Variants in DIAPH3 observed in about 807,000 individuals in gnomAD.
DIAPH3 encodes diaphanous related formin 3, also known as protein diaphanous homolog 3.
DIAPH3 carries 117 observed loss-of-function variants against 144.3 expected under a neutral mutation model. That is an observed-to-expected ratio of 0.81 (90% CI 0.70 to 0.95). DIAPH3 has a LOEUF of 0.95. Ranked by LOEUF, DIAPH3 falls within the 40% of genes least tolerant of loss-of-function variation. The pLI is 0.00. For synonymous variants in DIAPH3, 519 were observed against 488.9 expected, an observed-to-expected ratio of 1.06 and a Z score of -0.81; for missense variants, 1,421 against 1,412.7, an observed-to-expected ratio of 1.01 and a Z score of -0.09.
intron 7 of DIAPH3, among the ~76,000 whole-genome samples, chr13:60,012,287 T>C (rs2053322780): frequency 6.6e-6 from 1 of 152,092 alleles, no homozygotes; most frequent in African/African-American, 2.4e-5. Flanking sequence ...ATGGAGAAAG[T>C]ATGAGGAAAG....
chr13:59,769,341 C>T (rs962240048), intron 27 of DIAPH3, among the ~76,000 whole-genome samples: 1 of 152,132 alleles, frequency 6.6e-6, no homozygotes, highest in African/African-American at 2.4e-5. Flanking sequence ...GTATAGGCTC[C>T]ACTACTGTGT....
intron 14 of DIAPH3, among the ~76,000 whole-genome samples, chr13:59,975,854 A>C (rs1162972707): frequency 2.6e-5 from 4 of 151,946 alleles, no homozygotes; most frequent in African/African-American, 9.7e-5. Flanking sequence ...CAACACTACC[A>C]TTCCCCACAA....
intron 27 of DIAPH3, among the ~76,000 whole-genome samples, chr13:59,700,465 G>C (rs1566194172): frequency 6.6e-6 from 1 of 152,208 alleles, no homozygotes; most frequent in Non-Finnish European, 1.5e-5. Flanking sequence ...GTGGCAGAGA[G>C]AGAGAGCTCA....
At chr13:59,920,633 C>T (rs1176292194) in intron 18 of DIAPH3, among the ~76,000 whole-genome samples, 2 of 151,442 alleles carry the variant, frequency 1.3e-5, no homozygotes, top group Admixed American at 6.6e-5. Flanking sequence ...ACATACATTG[C>T]AATACAATAT....
chr13:59,976,616 C>T (rs2050694340), intron 14 of DIAPH3, among the ~76,000 whole-genome samples: 1 of 151,808 alleles, frequency 6.6e-6, no homozygotes, highest in Admixed American at 6.6e-5. Context: ...TCTCCTGCTA[C>T]TCCTTGAGTG....
At chr13:59,878,509 T>A (rs1331793239) in intron 21 of DIAPH3, among the ~76,000 whole-genome samples, 1 of 152,166 alleles carries the variant, frequency 6.6e-6, no homozygotes, top group Non-Finnish European at 1.5e-5. Flanking sequence ...AGAAAAAGGT[T>A]TTCTTCTGAT....
chr13:59,786,384 A>G (rs2039030166), intron 25 of DIAPH3, among the ~76,000 whole-genome samples: 1 of 152,194 alleles, frequency 6.6e-6, no homozygotes, highest in Non-Finnish European at 1.5e-5. Flanking sequence ...CTATGATTGA[A>G]TTTTAACTAT....
chr13:60,112,210 C>T lies in DIAPH3; in HGVS notation c.214-24G>A, dbSNP rs763066852. On this transcript the variant is annotated intron_variant, in intron 2 of 27. Coordinates refer to ENST00000400324, the MANE Select transcript of DIAPH3 (RefSeq NM_001042517.2). ...AGCTACAAAGAAAGACAGAATGACACACGTGTAAGTATTTCCTTTCCCAAC... is the reference window on the plus strand; with the variant it reads ...AGCTACAAAGAAAGACAGAATGACATACGTGTAAGTATTTCCTTTCCCAAC... 3 of 1,613,002 alleles carry T rather than the reference C, an allele frequency of 1.9e-6. No homozygotes were observed. The South Asian group carries it at 3.3e-5, about 18-fold the overall frequency.
rs1386545867 is a variant in DIAPH3 at position 59,733,714 on chromosome 13, C to A, written c.3319+40475G>T. ...AATCTCTTTTCATTATCAACCTCGACAGTTCAAGCACTGTTCAGTGAGGAC... is the reference window on the plus strand; with the variant it reads ...AATCTCTTTTCATTATCAACCTCGAAAGTTCAAGCACTGTTCAGTGAGGAC... On this transcript the variant is annotated intron_variant, in intron 27 of 27. Transcript: ENST00000400324. Among the ~76,000 whole-genome samples, 5 of 152,332 alleles carry A rather than the reference C, an allele frequency of 3.3e-5. No individual in the cohort carries two copies. In the East Asian group the frequency reaches 5.8e-4, roughly 18 times the overall value.
intron 9 of DIAPH3, among the ~76,000 whole-genome samples, chr13:60,008,236 A>C (rs779227332): frequency 3.3e-5 from 5 of 152,016 alleles, no homozygotes; most frequent in Non-Finnish European, 5.9e-5. Context: ...TACTAAAAAT[A>C]CAAAAAAAAA....
chr13:59,810,592 T>C (rs1357377781), intron 25 of DIAPH3, among the ~76,000 whole-genome samples, 196 bp downstream of exon 25: 1 of 152,132 alleles, frequency 6.6e-6, no homozygotes, highest in Non-Finnish European at 1.5e-5. Flanking sequence ...TGACCAACAC[T>C]GGAATGAAGA....
At chr13:59,748,167 T>G (rs2036796860) in intron 27 of DIAPH3, among the ~76,000 whole-genome samples, 1 of 152,208 alleles carries the variant, frequency 6.6e-6, no homozygotes, top group Non-Finnish European at 1.5e-5. Context: ...GTTTGAATAT[T>G]ATGTACTTGT....
At position 59,665,941 on chromosome 13, in the gene DIAPH3, T is replaced by C. The variant is rs1435975334; in HGVS notation, c.*643A>G. 6.6e-6 allele frequency: 1 copy of C among 152,294 alleles called. No homozygotes were observed. Among genetic ancestry groups the C allele is most frequent in the African/African-American group, 2.4e-5 (1 of 41,472 alleles). 9.4% of individuals were successfully genotyped at this position (152,294 alleles called of 1,614,324 possible). A position where few individuals can be genotyped will look rare whatever the true frequency, so the allele number is the denominator to read the frequency against. On this transcript the variant is annotated 3_prime_UTR_variant, in exon 28 of 28. Transcript: ENST00000400324. ...GCATTTGGCAAAGAGAGTGCATACA[T>C]TCTTATTGCATCATTTTTCGTTATG...
chr13:59,887,251 A>T (rs1277455900), intron 20 of DIAPH3, among the ~76,000 whole-genome samples: 1 of 152,058 alleles, frequency 6.6e-6, no homozygotes, highest in Non-Finnish European at 1.5e-5. Flanking sequence ...CCTGGGATCA[A>T]TTCCATGTGG....
chr13:59,828,071 C>T (rs1348208159), intron 24 of DIAPH3, among the ~76,000 whole-genome samples: 1 of 152,006 alleles, frequency 6.6e-6, no homozygotes, highest in Non-Finnish European at 1.5e-5. Context: ...GTATGAACTT[C>T]ACTTGGTATA....
chr13:60,070,513 T>C (rs1270511989), intron 4 of DIAPH3, among the ~76,000 whole-genome samples: 1 of 152,136 alleles, frequency 6.6e-6, no homozygotes, highest in Non-Finnish European at 1.5e-5. Context: ...AGAAAACTGT[T>C]CTGCAGTCTG....
At chr13:59,764,043 T>A (rs1387844077) in intron 27 of DIAPH3, among the ~76,000 whole-genome samples, 2 of 151,834 alleles carry the variant, frequency 1.3e-5, no homozygotes, top group Non-Finnish European at 2.9e-5. Flanking sequence ...AAACTTTGCT[T>A]CTGTATGCTA....
chr13:59,696,529 T>G (rs1211432095), intron 27 of DIAPH3, among the ~76,000 whole-genome samples: 1 of 152,226 alleles, frequency 6.6e-6, no homozygotes, highest in Non-Finnish European at 1.5e-5. Flanking sequence ...GTGATGTTGA[T>G]GCAATCACTT....
intron 20 of DIAPH3, among the ~76,000 whole-genome samples, chr13:59,890,654 T>C (rs867054019): frequency 6.6e-6 from 1 of 152,004 alleles, no homozygotes; most frequent in South Asian, 2.1e-4. Context: ...ATTCATCATA[T>C]TCTTTCTCTC....
Sources: allele counts gnomAD v4.1 joint callset (sites outside exome capture counted in the v4.1 genomes callset), GRCh38; gene constraint gnomAD v4.1.1; transcripts MANE v1.5; gene names NCBI Gene and HGNC (gene_info 2026-07-23, HGNC 2026-07-21).